Variants in REG3A observed in about 807,000 individuals in gnomAD.
The protein encoded by REG3A is regenerating family member 3 alpha, also known as regenerating islet-derived protein 3-alpha.
A neutral mutation model predicts 20.5 loss-of-function variants in REG3A; 15 were observed. The observed-to-expected ratio is 0.73, with a 90% confidence interval of 0.49 to 1.12. The LOEUF is 1.12. Ranked by LOEUF, REG3A falls within the 50% of genes most tolerant of loss-of-function variation. The pLI is 0.00. For missense variants in REG3A, 224 were observed against 213.1 expected, an observed-to-expected ratio of 1.05 and a Z score of -0.32; for synonymous variants, 93 against 83.2, an observed-to-expected ratio of 1.12 and a Z score of -0.64.
chr2:79,158,674 G>A lies in REG3A; in HGVS notation c.172C>T (p.Pro58Ser). 6.2e-7 allele frequency: 1 copy of A among 1,614,154 alleles called. No individual in the cohort carries two copies. The highest frequency in any genetic ancestry group is 8.5e-7 in the Non-Finnish European group (1 of 1,180,016). Residue 58 changes from proline to serine, a missense_variant, in exon 3 of 6, where the codon CCA becomes TCA. Coordinates refer to ENST00000305165, the MANE Select transcript of REG3A (RefSeq NM_002580.3). ...GSHCYALFLSPKSWTDADLAC... is the reference protein window; with the variant it reads ...GSHCYALFLSSKSWTDADLAC... Reference sequence around the variant, plus strand: ...ACATCTGCATCTGTCCAGGATTTTGGTGACAAAAACAAGGCATAGCAGTGG... The same window carrying A: ...ACATCTGCATCTGTCCAGGATTTTGATGACAAAAACAAGGCATAGCAGTGG...
rs767916040 is a variant in REG3A at position 79,158,373 on chromosome 2, C to A, written c.286G>T (p.Gly96Cys). 3.1e-6 allele frequency: 5 copies of A among 1,611,022 alleles called. No individual in the cohort carries two copies. Among genetic ancestry groups the A allele is most frequent in the Non-Finnish European group, 4.2e-6 (5 of 1,178,550 alleles). ...ATCCAGACGTATGAGTAGCTGTTAC[C>A]AATGCTCTTCACCAGGGAGGACACG... ...SFVSSLVKSI[G>C]NSYSYVWIGL... The change falls in exon 4 of 6, where the codon GGT becomes TGT. Residue 96 changes from glycine (G) to cysteine (C), a missense_variant. Physicochemically the swap from Gly to Cys is radical, Grantham distance 159. Coordinates refer to ENST00000305165, the MANE Select transcript of REG3A (RefSeq NM_002580.3).
intron 2 of REG3A, 175 bp from the exon 3 acceptor site, chr2:79,158,944 G>A: frequency 3.3e-6 from 2 of 611,266 alleles, no homozygotes; most frequent in Non-Finnish European, 2.9e-6. Context: ...AGTAAATGGA[G>A]CACCATCCAG....
rs1572958033 is a variant in REG3A, at chr2:79,159,099, T to C, written c.76+231A>G. On this transcript the variant is annotated intron_variant, in intron 2 of 5. Transcript: ENST00000305165. ...ATATTAGAGTCCACTTTCCCACCAGTGTATATTAGAGTCCACTGACTAAAT... is the reference window on the plus strand; with the variant it reads ...ATATTAGAGTCCACTTTCCCACCAGCGTATATTAGAGTCCACTGACTAAAT... 8 of 585,808 alleles carry C rather than the reference T, an allele frequency of 1.4e-5. No homozygotes were observed. In the East Asian group the frequency reaches 2.0e-4, roughly 15 times the overall value. 36.3% of individuals were successfully genotyped at this position (585,808 alleles called of 1,614,324 possible). A position where few individuals can be genotyped will look rare whatever the true frequency, so the allele number is the denominator to read the frequency against.
In REG3A at chr2:79,158,539, A is replaced by G; in HGVS notation, c.196-76T>C. 1.9e-6 allele frequency: 3 copies of G among 1,605,242 alleles called. No individual in the cohort carries two copies. The Admixed American group carries it at 5.0e-5, about 27-fold the overall frequency. ...GGGCAGGGCAAAGGTAGGTGGGAGG[A>G]GGACTGTGTGAAAGATAAACGTGTT... On this transcript the variant is annotated intron_variant, in intron 3 of 5. Transcript: ENST00000305165.
intron 2 of REG3A, 57 bp from the exon 3 acceptor site, chr2:79,158,826 A>G: frequency 7.1e-7 from 1 of 1,403,410 alleles, no homozygotes; most frequent in East Asian, 2.3e-5. Context: ...GGGGTGGGAG[A>G]TGACCTTGGG....
rs1048512257 is a variant in REG3A, at chr2:79,157,583, G to A, written c.449C>T (p.Ser150Leu). ...ISSPGHCASLSRSTAFLRWKD... is the reference protein window; with the variant it reads ...ISSPGHCASLLRSTAFLRWKD... ...CCTCTGTTTCTTACCTGTGCTTCTC[G>A]ACAGGCTCGCACAGTGGCCGGGGCT... The change falls in exon 5 of 6, where the codon TCG becomes TTG. Residue 150 changes from serine (S) to leucine (L), a missense_variant. By Grantham distance (145) the Ser-to-Leu change is moderately radical. Coordinates refer to ENST00000305165, the MANE Select transcript of REG3A (RefSeq NM_002580.3). The A allele has an allele frequency of 4.3e-6, 7 of 1,613,940 alleles. No individual in the cohort carries two copies. The highest frequency in any genetic ancestry group is 2.7e-5 in the African/African-American group (2 of 74,922).
intron 2 of REG3A, 97 bp from the exon 3 acceptor site, chr2:79,158,866 G>A (rs575505948): frequency 4.8e-5 from 43 of 899,262 alleles, no homozygotes; most frequent in African/African-American, 3.2e-4. Context: ...TGGGGAGGAA[G>A]ACCACATTCC....
At chr2:79,158,208 A>T in intron 4 of REG3A, 118 bp downstream of exon 4, 1 of 1,222,342 alleles carries the variant, frequency 8.2e-7, no homozygotes, top group Non-Finnish European at 1.1e-6. Context: ...AATATTCCCC[A>T]GAATCTGAGC....
At chr2:79,158,246 G>T in intron 4 of REG3A, 80 bp downstream of exon 4, 10 of 1,498,686 alleles carry the variant, frequency 6.7e-6, no homozygotes, top group Non-Finnish European at 9.1e-6. Context: ...TACTTCCTGG[G>T]CAGGCACAGG....
chr2:79,159,100 G>A lies in REG3A; in HGVS notation c.76+230C>T, dbSNP rs1572958038. 8.5e-6 allele frequency: 5 copies of A among 590,786 alleles called. No individual in the cohort carries two copies. The East Asian group carries it at 1.4e-4, about 17-fold the overall frequency. 36.6% of individuals were successfully genotyped at this position (590,786 alleles called of 1,614,324 possible). A position where few individuals can be genotyped will look rare whatever the true frequency, so the allele number is the denominator to read the frequency against. On this transcript the variant is annotated intron_variant, in intron 2 of 5. Coordinates refer to ENST00000305165, the MANE Select transcript of REG3A (RefSeq NM_002580.3). ...TATTAGAGTCCACTTTCCCACCAGTGTATATTAGAGTCCACTGACTAAATG... is the reference window on the plus strand; with the variant it reads ...TATTAGAGTCCACTTTCCCACCAGTATATATTAGAGTCCACTGACTAAATG...
chr2:79,158,699 G>A lies in REG3A; in HGVS notation c.147C>T (p.Ser49=). ...GTGACAAAAACAAGGCATAGCAGTG[G>A]GAGCCATAGGCCTTGGAGCCTTTGG... ...RCPKGSKAYG[S]HCYALFLSPK... is the part of the protein sequence containing the mutation. The change falls in exon 3 of 6, where the codon TCC becomes TCT. Residue 49 remains serine, a synonymous_variant. Transcript: ENST00000305165. The A allele has an allele frequency of 6.2e-7, 1 of 1,614,112 alleles. No homozygotes were observed.
chr2:79,158,373 C>T lies in REG3A; in HGVS notation c.286G>A (p.Gly96Ser), dbSNP rs767916040. The T allele has an allele frequency of 8.9e-5, 143 of 1,609,846 alleles. No homozygotes were observed. Among genetic ancestry groups the T allele is most frequent in the Non-Finnish European group, 2.0e-5 (23 of 1,178,138 alleles). ...ATCCAGACGTATGAGTAGCTGTTAC[C>T]AATGCTCTTCACCAGGGAGGACACG... ...SFVSSLVKSI[G>S]NSYSYVWIGL... Residue 96 changes from glycine (G) to serine (S), a missense_variant, in exon 4 of 6, where the codon GGT becomes AGT. Gly to Ser is a moderately conservative substitution (Grantham distance 56). Transcript: ENST00000305165.
rs528818605 is a variant in REG3A at position 79,159,059 on chromosome 2, C to T, written c.76+271G>A. The T allele has an allele frequency of 7.9e-4, 455 of 578,050 alleles. 2 individuals carry two copies. The highest frequency in any genetic ancestry group is 3.2e-3 in the Admixed American group (106 of 33,244). 35.8% of individuals were successfully genotyped at this position (578,050 alleles called of 1,614,324 possible). Reference sequence around the variant, plus strand: ...CATTGTCCCTCCCCACATCTCATTACTGACCCTCCAGTGTATATTAGAGTC... The same window carrying T: ...CATTGTCCCTCCCCACATCTCATTATTGACCCTCCAGTGTATATTAGAGTC... On this transcript the variant is annotated intron_variant, in intron 2 of 5. Coordinates refer to ENST00000305165, the MANE Select transcript of REG3A (RefSeq NM_002580.3).
intron 2 of REG3A, 67 bp downstream of exon 2, chr2:79,159,263 G>A (rs919046527): frequency 4.5e-5 from 68 of 1,523,946 alleles, no homozygotes; most frequent in Admixed American, 1.5e-4. Context: ...ACACACAGGA[G>A]CCTTCCTCCT....
chr2:79,158,535 G>C (rs756376516), intron 3 of REG3A, 72 bp from the exon 4 acceptor site: 9 of 1,605,720 alleles, frequency 5.6e-6, no homozygotes, highest in Non-Finnish European at 7.7e-6. Context: ...AGGTAGGTGG[G>C]AGGAGGACTG....
At position 79,157,253 on chromosome 2, in the gene REG3A, T is replaced by C; in HGVS notation, c.501A>G (p.Leu167=). Reference sequence around the variant, plus strand: ...AGTCAGTGAACTTGCAGACATAGGGTAACCTCACATTACAGTTATAATCTT... The same window carrying C: ...AGTCAGTGAACTTGCAGACATAGGGCAACCTCACATTACAGTTATAATCTT... ...RWKDYNCNVR[L]PYVCKFTD Residue 167 remains leucine (L), a synonymous_variant, in exon 6 of 6, where the codon TTA becomes TTG. Coordinates refer to ENST00000305165, the MANE Select transcript of REG3A (RefSeq NM_002580.3). 1 of 1,613,998 alleles carries C rather than the reference T, an allele frequency of 6.2e-7. No homozygotes were observed. The highest frequency in any genetic ancestry group is 8.5e-7 in the Non-Finnish European group (1 of 1,179,952).
At chr2:79,158,211 A>T in intron 4 of REG3A, 115 bp downstream of exon 4, 1 of 1,248,608 alleles carries the variant, frequency 8.0e-7, no homozygotes, top group Non-Finnish European at 1.1e-6. Context: ...ATTCCCCAGA[A>T]TCTGAGCTCC....
chr2:79,158,383 C>T lies in REG3A; in HGVS notation c.276G>A (p.Val92=), dbSNP rs1673364126. ...GAEGSFVSSL[V]KSIGNSYSYV... is the part of the protein sequence containing the mutation. Reference sequence around the variant, plus strand: ...ATGAGTAGCTGTTACCAATGCTCTTCACCAGGGAGGACACGAAGGATCCCT... The same window carrying T: ...ATGAGTAGCTGTTACCAATGCTCTTTACCAGGGAGGACACGAAGGATCCCT... The change falls in exon 4 of 6, where the codon GTG becomes GTA. Residue 92 remains valine (V), a synonymous_variant. Transcript: ENST00000305165. 6.8e-6 allele frequency: 11 copies of T among 1,614,180 alleles called. No homozygotes were observed. The highest frequency in any genetic ancestry group is 7.6e-6 in the Non-Finnish European group (9 of 1,180,038).
At chr2:79,159,485 C>A in intron 1 of REG3A, 46 bp from the exon 2 acceptor site, 1 of 1,384,206 alleles carries the variant, frequency 7.2e-7, no homozygotes, top group Non-Finnish European at 1.0e-6. Flanking sequence ...TACCCCACTG[C>A]CTCATGTCAT....
Sources: gnomAD v4.1 joint callset for allele counts on GRCh38, gnomAD v4.1.1 for gene constraint, MANE v1.5 for transcripts, NCBI Gene and HGNC (gene_info 2026-07-23, HGNC 2026-07-21) for gene names.